The following SLC14A2 variants were observed in gnomAD, a reference collection of about 807,000 sequenced individuals.
SLC14A2 encodes solute carrier family 14 member 2.
SLC14A2 carries 91 observed loss-of-function variants against 104.6 expected under a neutral mutation model. The observed-to-expected ratio is 0.87, with a 90% confidence interval of 0.73 to 1.04. The LOEUF (loss-of-function observed/expected upper bound fraction) is 1.04, where lower values mean the gene tolerates loss of function less well. Ranked by LOEUF, SLC14A2 falls within the 50% of genes least tolerant of loss-of-function variation. The probability of loss-of-function intolerance (pLI) is 0.00; values close to 1 mark genes in which losing one functional copy is unlikely to be tolerated. For missense variants in SLC14A2, 1,189 were observed against 1,156.0 expected, an observed-to-expected ratio of 1.03 and a Z score of -0.41; for synonymous variants, 476 against 466.4, an observed-to-expected ratio of 1.02 and a Z score of -0.27.
intron 2 of SLC14A2, among the ~76,000 whole-genome samples, chr18:45,567,823 T>C (rs1241181862): frequency 6.6e-6 from 1 of 152,144 alleles, no homozygotes; most frequent in Non-Finnish European, 1.5e-5. Context: ...TTAAAACCTT[T>C]TTAACAGGCA....
At chr18:45,200,694 G>T in the SLC14A2 span, among the ~76,000 whole-genome samples, 2 of 152,204 alleles carry the variant, frequency 1.3e-5, no homozygotes, top group South Asian at 2.1e-4. Flanking sequence ...AACACCTGTT[G>T]AATGCCATTG....
chr18:45,212,594 T>G (rs901698245), upstream of SLC14A2, among the ~76,000 whole-genome samples: 3 of 152,232 alleles, frequency 2.0e-5, no homozygotes, highest in South Asian at 2.1e-4. Flanking sequence ...AATCTTTAGC[T>G]ACACCTATAT....
intron 2 of SLC14A2, among the ~76,000 whole-genome samples, chr18:45,601,969 G>A (rs376415569): frequency 4.6e-5 from 7 of 152,376 alleles, no homozygotes; most frequent in African/African-American, 1.7e-4. Flanking sequence ...ATTCTGTCGG[G>A]TGAGGGCATG....
chr18:45,289,094 C>G (rs2084844121), intron 1 of SLC14A2, among the ~76,000 whole-genome samples: 1 of 152,232 alleles, frequency 6.6e-6, no homozygotes, highest in Non-Finnish European at 1.5e-5. Context: ...TCAACAAGAA[C>G]AGCCACCTTT....
At chr18:45,650,997 A>C (rs967856917) in intron 10 of SLC14A2, among the ~76,000 whole-genome samples, 2 of 152,038 alleles carry the variant, frequency 1.3e-5, no homozygotes, top group Non-Finnish European at 2.9e-5. Context: ...CTGTTTAAAA[A>C]GTGTTTTAGG....
At chr18:45,262,528 G>A (rs2084550010) in intron 1 of SLC14A2, among the ~76,000 whole-genome samples, 1 of 152,170 alleles carries the variant, frequency 6.6e-6, no homozygotes, top group East Asian at 1.9e-4. Context: ...TGAGAGGGTA[G>A]GCCCCTATTA....
chr18:45,259,479 C>G (rs566256751), intron 1 of SLC14A2, among the ~76,000 whole-genome samples: 1 of 152,248 alleles, frequency 6.6e-6, no homozygotes, highest in African/African-American at 2.4e-5. Flanking sequence ...ATAAAGATAG[C>G]TACAGACTCA....
intron 2 of SLC14A2, among the ~76,000 whole-genome samples, chr18:45,518,857 G>A (rs1342029557): frequency 6.6e-6 from 1 of 152,210 alleles, no homozygotes. Flanking sequence ...GCAAAGGCCA[G>A]GGCAAGCAAG....
intron 1 of SLC14A2, among the ~76,000 whole-genome samples, chr18:45,274,498 C>T (rs2084682474): frequency 6.6e-6 from 1 of 152,124 alleles, no homozygotes; most frequent in Non-Finnish European, 1.5e-5. Context: ...TCACAAGGTC[C>T]AGGTTTTCCA....
At chr18:45,168,913 A>C in the SLC14A2 span, 1 of 152,216 alleles carries the variant, frequency 6.6e-6, no homozygotes, top group African/African-American at 2.4e-5. Context: ...CAAATGGTGC[A>C]TAAAGGGTGT....
At chr18:45,396,752 G>T (rs1374420494) in intron 1 of SLC14A2, among the ~76,000 whole-genome samples, 6 of 150,414 alleles carry the variant, frequency 4.0e-5, no homozygotes, top group Non-Finnish European at 5.9e-5. Context: ...TTGTTGTATA[G>T]ATTATTCCAT....
intron 6 of SLC14A2, among the ~76,000 whole-genome samples, 188 bp downstream of exon 6, chr18:45,637,370 A>G (rs1322766824): frequency 1.3e-5 from 2 of 152,234 alleles, no homozygotes; most frequent in African/African-American, 2.4e-5. Flanking sequence ...CTTATTGAGC[A>G]TGTAACATGG....
chr18:45,299,060 C>A (rs958818503), intron 1 of SLC14A2, among the ~76,000 whole-genome samples: 2 of 152,020 alleles, frequency 1.3e-5, no homozygotes, highest in East Asian at 3.9e-4. Flanking sequence ...AAATTAGATT[C>A]TTTGACACAT....
intron 1 of SLC14A2, among the ~76,000 whole-genome samples, chr18:45,413,595 A>G (rs1445256216): frequency 2.0e-5 from 3 of 152,172 alleles, no homozygotes; most frequent in African/African-American, 7.2e-5. Context: ...TCAGAATTAT[A>G]AGGTCATGGC....
At chr18:45,270,078 G>A (rs767762761) in intron 1 of SLC14A2, among the ~76,000 whole-genome samples, 31 of 151,884 alleles carry the variant, frequency 2.0e-4, no homozygotes, top group Non-Finnish European at 4.4e-4. Flanking sequence ...GCCTTTGACT[G>A]ATGATGGAGG....
upstream of SLC14A2, among the ~76,000 whole-genome samples, chr18:45,611,684 G>C (rs2044973957): frequency 1.3e-5 from 2 of 152,198 alleles, no homozygotes; most frequent in African/African-American, 4.8e-5. Context: ...AAGAGTCCAG[G>C]GCCCAACACA....
chr18:45,245,734 A>G (rs552009566), intron 1 of SLC14A2, among the ~76,000 whole-genome samples: 6 of 152,114 alleles, frequency 3.9e-5, no homozygotes, highest in African/African-American at 1.4e-4. Context: ...ACACAATTTA[A>G]CTCATCATTC....
At chr18:45,405,875 T>C (rs999914005) in intron 1 of SLC14A2, among the ~76,000 whole-genome samples, 22 of 139,750 alleles carry the variant, frequency 1.6e-4, no homozygotes, top group African/African-American at 5.6e-4. Flanking sequence ...CTCCAGCCTG[T>C]GCGACAGGGA....
At chr18:45,591,698 T>C (rs950412064) in intron 2 of SLC14A2, among the ~76,000 whole-genome samples, 3 of 152,116 alleles carry the variant, frequency 2.0e-5, no homozygotes, top group East Asian at 3.8e-4. Flanking sequence ...CACTTTTGAG[T>C]AGCAAGGCTC....
Sources: allele counts gnomAD v4.1 joint callset (sites outside exome capture counted in the v4.1 genomes callset), GRCh38; gene constraint gnomAD v4.1.1; transcripts MANE v1.5; gene names NCBI Gene and HGNC (gene_info 2026-07-23, HGNC 2026-07-21).